Variants in RBAK observed in about 807,000 individuals in gnomAD.
RBAK encodes the protein RB-associated KRAB zinc finger protein.
RBAK carries 39 observed loss-of-function variants against 65.8 expected under a neutral mutation model. The ratio of observed to expected loss-of-function variants is 0.59; its 90% CI spans 0.46 to 0.77. The LOEUF is 0.77. Among genes scored for constraint, RBAK ranks in the 30% least tolerant of loss-of-function variants. The pLI is 0.00. For synonymous variants in RBAK, 343 were observed against 289.7 expected, an observed-to-expected ratio of 1.18 and a Z score of -1.87; for missense variants, 884 against 855.1, an observed-to-expected ratio of 1.03 and a Z score of -0.42.
At chr7:5,059,495 T>G (rs1779016506) in intron 4 of RBAK, among the ~76,000 whole-genome samples, 1 of 152,062 alleles carries the variant, frequency 6.6e-6, no homozygotes, top group South Asian at 2.1e-4. Context: ...CTAATTTTTA[T>G]ATTTTTATTA....
intron 2 of RBAK, among the ~76,000 whole-genome samples, chr7:5,050,144 A>G (rs1327066051): frequency 6.6e-6 from 1 of 152,174 alleles, no homozygotes; most frequent in Non-Finnish European, 1.5e-5. Flanking sequence ...GCTAATAAGG[A>G]ATCTTTTTGA....
intron 4 of RBAK, among the ~76,000 whole-genome samples, chr7:5,062,401 T>G (rs1369366683): frequency 6.6e-6 from 1 of 152,114 alleles, no homozygotes; most frequent in Non-Finnish European, 1.5e-5. Flanking sequence ...AACCAGCAAG[T>G]TTTTATTAGG....
Position 5,064,036 on chromosome 7 carries a change from A to G in RBAK, c.580A>G (p.Ile194Val), listed in dbSNP as rs1562540140. The G allele has an allele frequency of 6.2e-7, 1 of 1,612,680 alleles. No individual in the cohort carries two copies. Among genetic ancestry groups the G allele is most frequent in the Non-Finnish European group, 8.5e-7 (1 of 1,179,242 alleles). ...TACCTATTCTCACAATGAAGAAAAT[A>G]TTCTTCAGAAAATTAGTATTTTGGA... The part of the protein sequence containing the change: ...GDTYSHNEEN[I>V]LQKISILEKP... The change falls in exon 5 of 5, where the codon ATT becomes GTT. Residue 194 changes from isoleucine (I) to valine (V), a missense_variant. Ile to Val is a conservative substitution (Grantham distance 29). Transcript: ENST00000396912. The surrounding 1 kb of genome is among the most constrained non-coding windows in gnomAD (Gnocchi z 6.3).
chr7:5,059,897 A>G (rs1190577907), intron 4 of RBAK, among the ~76,000 whole-genome samples: 1 of 152,120 alleles, frequency 6.6e-6, no homozygotes, highest in Non-Finnish European at 1.5e-5. Context: ...TGTATGCTCT[A>G]TGAGTATAAA....
chr7:5,063,728 T>C lies in RBAK; in HGVS notation c.272T>C (p.Ile91Thr), dbSNP rs1370109042. The C allele has an allele frequency of 6.2e-7, 1 of 1,611,608 alleles. No individual in the cohort carries two copies. The highest frequency in any genetic ancestry group is 2.2e-5 in the East Asian group (1 of 44,832). Residue 91 changes from isoleucine to threonine, a missense_variant, in exon 5 of 5, where the codon ATC becomes ACC. Ile to Thr is a moderately conservative substitution (Grantham distance 89). Transcript: ENST00000396912. ...AGAGTTGATGACCTGATAGAGAGAA[T>C]CCAAGAAAACGAAGACAAACATTCA... ...AWRVDDLIERIQENEDKHSRQ... is the reference protein window; with the variant it reads ...AWRVDDLIERTQENEDKHSRQ...
At chr7:5,059,515 C>A (rs555412775) in intron 4 of RBAK, among the ~76,000 whole-genome samples, 41 of 151,936 alleles carry the variant, frequency 2.7e-4, no homozygotes, top group East Asian at 5.8e-4. Flanking sequence ...AAAAAAAAAA[C>A]CACACATAAC....
At chr7:5,063,588 C>A in intron 4 of RBAK, 107 bp from the exon 5 acceptor site, 1 of 834,158 alleles carries the variant, frequency 1.2e-6, no homozygotes, top group Non-Finnish European at 1.8e-6. Context: ...TGGAGATTGG[C>A]TCTAAAGCCA....
rs553298520 is a variant in RBAK, at chr7:5,065,808, C to T, written c.*207C>T. On this transcript the variant is annotated 3_prime_UTR_variant, in exon 5 of 5. Coordinates refer to ENST00000396912, the MANE Select transcript of RBAK (RefSeq NM_021163.4). This position sits in a 1 kb window ranked among gnomAD's most constrained non-coding sequence, Gnocchi z 5.3. The stretch of plus-strand genomic sequence containing the variant: ...CCTTCAGCAAGATCATACGACTCAT[C>T]GGACACTAATTTATATAGGAGTGAA... 18 of 384,890 alleles carry T rather than the reference C, an allele frequency of 4.7e-5. No individual in the cohort carries two copies. In the South Asian group the frequency reaches 9.9e-4, roughly 21 times the overall value. The allele number at this position is 384,890 out of a possible 1,614,324, so 23.8% of individuals were successfully genotyped here.
intron 4 of RBAK, among the ~76,000 whole-genome samples, chr7:5,060,496 A>G (rs528654771): frequency 1.2e-4 from 19 of 152,372 alleles, no homozygotes; most frequent in South Asian, 2.1e-4. Context: ...TTATACTCCA[A>G]TGCACATTGT....
Position 5,065,173 on chromosome 7 carries a change from G to T in RBAK, c.1717G>T (p.Gly573Trp). 6.2e-7 allele frequency: 1 copy of T among 1,613,668 alleles called. No individual in the cohort carries two copies. Among genetic ancestry groups the T allele is most frequent in the Non-Finnish European group, 8.5e-7 (1 of 1,179,838 alleles). ...EEKPYGCSEC[G>W]KTFSHNSSLF... ...GAAACCTTATGGATGTAGCGAATGT[G>T]GGAAAACCTTTTCCCATAATTCATC... The change falls in exon 5 of 5, where the codon GGG becomes TGG. Residue 573 changes from glycine (G) to tryptophan (W), a missense_variant. By Grantham distance (184) the Gly-to-Trp change is radical (BLOSUM62 -2). Transcript: ENST00000396912. This position sits in a 1 kb window ranked among gnomAD's most constrained non-coding sequence, Gnocchi z 5.3.
At chr7:5,057,472 T>C (rs1778957440) in intron 3 of RBAK, 51 bp downstream of exon 3, 1 of 1,613,866 alleles carries the variant, frequency 6.2e-7, no homozygotes, top group Non-Finnish European at 8.5e-7. Context: ...GGTTTTATCC[T>C]TGAGTTTGAA....
intron 2 of RBAK, among the ~76,000 whole-genome samples, chr7:5,056,323 G>T (rs1454037394): frequency 4.6e-5 from 7 of 150,708 alleles, no homozygotes; most frequent in African/African-American, 1.5e-4. Context: ...TTACTATGTT[G>T]CCCAAGCTGG....
At position 5,048,029 on chromosome 7, in the gene RBAK, C is replaced by G. The variant is rs764683084; in HGVS notation, c.-44-4C>G. ...ACTTCAGTGACCTGCTTCTCCCCCT[C>G]TAGGTCTACCAGCCACAGTCTCTGC... On this transcript the variant is annotated splice_region_variant and splice_polypyrimidine_tract_variant and intron_variant, in intron 1 of 4. Coordinates refer to ENST00000396912, the MANE Select transcript of RBAK (RefSeq NM_021163.4). The surrounding 1 kb of genome is among the most constrained non-coding windows in gnomAD (Gnocchi z 4.4). 3.7e-5 allele frequency: 57 copies of G among 1,521,406 alleles called. No homozygotes were observed. In the African/African-American group the frequency reaches 4.9e-4, roughly 13 times the overall value. 94.2% of individuals were successfully genotyped at this position (1,521,406 alleles called of 1,614,324 possible).
chr7:5,061,898 C>CAA (rs548377705), intron 4 of RBAK, among the ~76,000 whole-genome samples: 34 of 143,416 alleles, frequency 2.4e-4, no homozygotes, highest in Middle Eastern at 3.6e-3. Flanking sequence ...ACTCCATCTA[C>CAA]AAAAAAAAAA....
intron 1 of RBAK, 112 bp downstream of exon 1, chr7:5,046,508 A>G (rs1787987930): frequency 2.6e-6 from 1 of 380,172 alleles, no homozygotes; most frequent in Non-Finnish European, 5.1e-6. Flanking sequence ...TGCAGGAGAG[A>G]CGTGTGTTTG....
In RBAK at chr7:5,065,902, C is replaced by T; in HGVS notation, c.*301C>T. On this transcript the variant is annotated 3_prime_UTR_variant, in exon 5 of 5. Transcript: ENST00000396912. This position sits in a 1 kb window ranked among gnomAD's most constrained non-coding sequence, Gnocchi z 5.3. Reference sequence around the variant, plus strand: ...TACATATCAGGGAATCATACAAAGGCAAAATCTGTCAATATGGTGAATGTG... The same window carrying T: ...TACATATCAGGGAATCATACAAAGGTAAAATCTGTCAATATGGTGAATGTG... 1 of 193,468 alleles carries T rather than the reference C, an allele frequency of 5.2e-6. No homozygotes were observed. Among genetic ancestry groups the T allele is most frequent in the Non-Finnish European group, 1.0e-5 (1 of 96,112 alleles). The allele number at this position is 193,468 out of a possible 1,614,324, so 12.0% of individuals were successfully genotyped here.
chr7:5,051,832 T>C (rs1788123729), intron 2 of RBAK, among the ~76,000 whole-genome samples: 1 of 152,204 alleles, frequency 6.6e-6, no homozygotes, highest in African/African-American at 2.4e-5. Context: ...CTTGGGAAAC[T>C]TCTGTGCATG....
intron 1 of RBAK, among the ~76,000 whole-genome samples, chr7:5,047,352 A>G (rs1788011769): frequency 6.6e-6 from 1 of 152,128 alleles, no homozygotes; most frequent in African/African-American, 2.4e-5. Flanking sequence ...TGAGCTGTGA[A>G]TGCACCACTG....
chr7:5,055,227 C>G (rs1244917587), intron 2 of RBAK, among the ~76,000 whole-genome samples: 2 of 148,670 alleles, frequency 1.3e-5, no homozygotes, highest in African/African-American at 2.5e-5. Context: ...ACTTTTGGAC[C>G]GAGAAGACTG....
Sources: allele counts gnomAD v4.1 joint callset (sites outside exome capture counted in the v4.1 genomes callset), GRCh38; gene constraint gnomAD v4.1.1; non-coding constraint Gnocchi (gnomAD v3.1); transcripts MANE v1.5; gene names NCBI Gene and HGNC (gene_info 2026-07-23, HGNC 2026-07-21).